Variants in SEMA3D observed in about 807,000 individuals in gnomAD.
The protein encoded by SEMA3D is semaphorin-3D.
Under a neutral mutation model 100.1 loss-of-function variants are expected in SEMA3D, and 84 were observed. The observed-to-expected ratio is 0.84, with a 90% CI of 0.70 to 1.01. SEMA3D has a LOEUF of 1.01. Ranked by LOEUF, SEMA3D falls within the 50% of genes least tolerant of loss-of-function variation. The pLI, the probability that SEMA3D is intolerant of heterozygous loss-of-function variation, is 0.00. For synonymous variants in SEMA3D, 312 were observed against 320.7 expected (o/e 0.97, Z 0.29); for missense variants, 875 against 934.1 (o/e 0.94, Z 0.82).
intron 8 of SEMA3D, among the ~76,000 whole-genome samples, chr7:85,059,447 A>G (rs1332072872): frequency 6.6e-6 from 1 of 152,220 alleles, no homozygotes; most frequent in Non-Finnish European, 1.5e-5. Context: ...ATCGGTATTA[A>G]CATGAGTAGA....
chr7:85,073,919 A>C (rs1224732339), intron 5 of SEMA3D, among the ~76,000 whole-genome samples: 3 of 152,138 alleles, frequency 2.0e-5, no homozygotes, highest in Non-Finnish European at 4.4e-5. Flanking sequence ...TCTTTATGTC[A>C]TCATTATCTT....
At chr7:85,083,658 C>A (rs962988228) in intron 4 of SEMA3D, among the ~76,000 whole-genome samples, 25 of 150,802 alleles carry the variant, frequency 1.7e-4, no homozygotes, top group Admixed American at 1.6e-3. Flanking sequence ...TCCTGGCTAA[C>A]ACGGTGAAAC....
At chr7:85,035,738 T>C (rs559990527) in intron 12 of SEMA3D, among the ~76,000 whole-genome samples, 2 of 152,054 alleles carry the variant, frequency 1.3e-5, no homozygotes, top group South Asian at 4.1e-4. Context: ...ATGTTAAATG[T>C]TCTTATCACA....
At position 85,165,098 on chromosome 7, in the gene SEMA3D, T is replaced by C. The variant is rs190736099; in HGVS notation, c.-172-11359A>G. 1.1e-3 allele frequency among the ~76,000 whole-genome samples: 163 copies of C among 151,980 alleles called. 1 individual carries two copies. The highest frequency in any genetic ancestry group is 3.8e-3 in the African/African-American group (159 of 41,472). ...CCTATGAGTGAGAACATGCAGTGTT[T>C]GGTTTTTTGTCCTTGCGATAGACGA... On this transcript the variant is annotated intron_variant, in intron 1 of 18. Transcript: ENST00000284136.
intron 1 of SEMA3D, among the ~76,000 whole-genome samples, chr7:85,171,322 T>G (rs1791076704): frequency 6.6e-6 from 1 of 151,928 alleles, no homozygotes; most frequent in African/African-American, 2.4e-5. Context: ...AATGGGTCAG[T>G]GAACAAAGTC....
intron 2 of SEMA3D, among the ~76,000 whole-genome samples, chr7:85,131,225 T>C (rs1789716710): frequency 6.6e-6 from 1 of 152,106 alleles, no homozygotes; most frequent in Non-Finnish European, 1.5e-5. Flanking sequence ...AGGAAAATAC[T>C]ATATAACATC....
chr7:85,029,062 C>T (rs765792258), intron 12 of SEMA3D: 1 of 523,596 alleles, frequency 1.9e-6, no homozygotes, highest in South Asian at 1.8e-5. Flanking sequence ...CATGGCTGTC[C>T]TCATCAAGTG....
At chr7:85,125,298 T>C (rs1282633595) in intron 2 of SEMA3D, among the ~76,000 whole-genome samples, 2 of 152,074 alleles carry the variant, frequency 1.3e-5, no homozygotes, top group African/African-American at 4.8e-5. Context: ...TGGGAATTAA[T>C]GACTAGTTGG....
chr7:85,121,918 G>A lies in SEMA3D; in HGVS notation c.-27C>T, dbSNP rs780801377. On this transcript the variant is annotated 5_prime_UTR_variant, in exon 3 of 19. Transcript: ENST00000284136. ...ATGAAAACAATGTTCTCTTTCAAATGGTGTTAATTTAATCTAAAAAAGAGT... is the reference window on the plus strand; with the variant it reads ...ATGAAAACAATGTTCTCTTTCAAATAGTGTTAATTTAATCTAAAAAAGAGT... 3.8e-5 allele frequency: 56 copies of A among 1,485,158 alleles called. No individual in the cohort carries two copies. The highest frequency in any genetic ancestry group is 4.7e-5 in the Non-Finnish European group (51 of 1,095,840). 92.0% of individuals were successfully genotyped at this position (1,485,158 alleles called of 1,614,324 possible). A position where few individuals can be genotyped will look rare whatever the true frequency, so the allele number is the denominator to read the frequency against.
chr7:85,245,092 T>C, the SEMA3D span, among the ~76,000 whole-genome samples: 1 of 152,170 alleles, frequency 6.6e-6, no homozygotes, highest in Non-Finnish European at 1.5e-5. Flanking sequence ...TTATAATTTA[T>C]AGAGTATGTT....
the SEMA3D span, among the ~76,000 whole-genome samples, chr7:85,217,800 C>T: frequency 6.6e-5 from 10 of 152,122 alleles, no homozygotes; most frequent in African/African-American, 2.4e-4. Context: ...GAGATAATCG[C>T]CTTTGATAAA....
At chr7:85,011,707 C>T (rs939548151) in intron 17 of SEMA3D, among the ~76,000 whole-genome samples, 15 of 151,620 alleles carry the variant, frequency 9.9e-5, no homozygotes, top group East Asian at 3.9e-4. Flanking sequence ...ACTAAAATAA[C>T]GGACATCACA....
the SEMA3D span, among the ~76,000 whole-genome samples, chr7:85,236,696 A>G: frequency 6.6e-6 from 1 of 152,204 alleles, no homozygotes; most frequent in Non-Finnish European, 1.5e-5. Flanking sequence ...TTTAAAAATC[A>G]TCTCATAAAC....
At chr7:85,150,346 A>AATATATATATATATATATATATATATTAT (rs3078412) in intron 2 of SEMA3D, among the ~76,000 whole-genome samples, 1 of 121,238 alleles carries the variant, frequency 8.2e-6, no homozygotes, top group African/African-American at 3.1e-5. Context: ...CTTTTCTAGA[A>AATATATATATATATATATATATATATTAT]ATATATATAT....
chr7:85,188,870 C>T (rs1272796705), upstream of SEMA3D, among the ~76,000 whole-genome samples: 1 of 152,186 alleles, frequency 6.6e-6, no homozygotes, highest in East Asian at 1.9e-4. Flanking sequence ...GATTTCACTA[C>T]TATAATAAGC....
chr7:85,205,614 T>A, the SEMA3D span, among the ~76,000 whole-genome samples: 1 of 152,192 alleles, frequency 6.6e-6, no homozygotes, highest in South Asian at 2.1e-4. Flanking sequence ...TTAAAAAAAA[T>A]CAAACCCTGG....
intron 2 of SEMA3D, among the ~76,000 whole-genome samples, chr7:85,134,913 T>C (rs1385300052): frequency 6.6e-6 from 1 of 152,030 alleles, no homozygotes. Context: ...GTTATAAAGA[T>C]TCATACCCTC....
chr7:85,098,047 AAAAG>A (rs1468358276), intron 3 of SEMA3D, 82 bp from the exon 4 acceptor site: 11 of 736,704 alleles, frequency 1.5e-5, no homozygotes, highest in Admixed American at 3.1e-5. Context: ...AGAAGAAAGA[AAAAG>A]AAAGGAAAGA....
intron 12 of SEMA3D, among the ~76,000 whole-genome samples, chr7:85,025,337 G>T (rs1283754639): frequency 6.6e-6 from 1 of 151,942 alleles, no homozygotes; most frequent in Non-Finnish European, 1.5e-5. Context: ...AACCTGCCTA[G>T]ACACACCCTG....
Sources: gnomAD v4.1 joint callset for allele counts (sites outside exome capture counted in the v4.1 genomes callset) on GRCh38, gnomAD v4.1.1 for gene constraint, MANE v1.5 for transcripts, NCBI Gene and HGNC (gene_info 2026-07-23, HGNC 2026-07-21) for gene names.